The following PARVG variants were observed in gnomAD, a reference collection of about 807,000 sequenced individuals.
PARVG encodes parvin gamma, also known as gamma-parvin.
Under a neutral mutation model 44.4 loss-of-function variants are expected in PARVG, and 36 were observed. The observed-to-expected ratio is 0.81, with a 90% confidence interval of 0.62 to 1.07. The LOEUF (loss-of-function observed/expected upper bound fraction) is 1.07, where lower values mean the gene tolerates loss of function less well. Among genes scored for constraint, PARVG ranks in the 50% least tolerant of loss-of-function variants. The pLI, the probability that PARVG is intolerant of heterozygous loss-of-function variation, is 0.00. For synonymous variants in PARVG, 170 were observed against 174.1 expected (o/e 0.98, Z 0.19); for missense variants, 407 against 407.4 (o/e 1.00, Z 0.01).
Position 44,196,362 on chromosome 22 carries a change from G to C in PARVG, c.658G>C (p.Val220Leu). 1 of 1,614,232 alleles carries C rather than the reference G, an allele frequency of 6.2e-7. No homozygotes were observed. The highest frequency in any genetic ancestry group is 8.5e-7 in the Non-Finnish European group (1 of 1,180,042). ...NAVKEAIVNF[V>L]NQKLDRLGLS... is the part of the protein sequence containing the mutation. ...CCCTGGTTAGGCCATCGTGAACTTT[G>C]TCAACCAGAAGCTGGACCGCCTGGG... The change falls in exon 11 of 14, where the codon GTC becomes CTC. Residue 220 changes from valine (V) to leucine (L), a missense_variant. Val to Leu is a conservative substitution (Grantham distance 32, BLOSUM62 1). Coordinates refer to ENST00000444313, the MANE Select transcript of PARVG (RefSeq NM_022141.7).
rs1431636521 is a variant in PARVG, at chr22:44,208,113, ACTTG to A, written c.*1692_*1695del. 1 of 152,018 alleles carries A rather than the reference ACTTG, an allele frequency of 6.6e-6. No individual in the cohort carries two copies. The highest frequency in any genetic ancestry group is 1.5e-5 in the Non-Finnish European group (1 of 68,016). 9.4% of individuals were successfully genotyped at this position (152,018 alleles called of 1,614,324 possible). ...CACTTCCTGGGGCCTTTGAGTCCTC[ACTTG>A]CTTGGGCCCCATCCGCTGCAGGCTG... On this transcript the variant is annotated 3_prime_UTR_variant, in exon 14 of 14. Coordinates refer to ENST00000444313, the MANE Select transcript of PARVG (RefSeq NM_022141.7).
intron 7 of PARVG, among the ~76,000 whole-genome samples, chr22:44,191,599 G>A (rs898698780): frequency 5.9e-5 from 9 of 151,904 alleles, no homozygotes; most frequent in African/African-American, 1.7e-4. Context: ...GGGTTTCACC[G>A]TGTTGCCCAG....
chr22:44,177,634 A>G (rs550124274), upstream of PARVG, among the ~76,000 whole-genome samples: 2 of 152,282 alleles, frequency 1.3e-5, no homozygotes, highest in African/African-American at 4.8e-5. Context: ...GATCCAGGTT[A>G]TGCGTTTTCG....
intron 3 of PARVG, 99 bp from the exon 4 acceptor site, chr22:44,185,709 C>A: frequency 9.7e-7 from 1 of 1,035,094 alleles, no homozygotes; most frequent in African/African-American, 1.6e-5. Flanking sequence ...ACCGGTGCCC[C>A]TGGGTCTGCG....
In PARVG at chr22:44,206,875, C is replaced by T. The variant is rs566825942; in HGVS notation, c.*449C>T. ...TCCCCACACCCACCTGCTTCTCACT[C>T]GGGAGGATGGGCCCCAGAGTCACCC... is the stretch of plus-strand genomic sequence containing the variant. On this transcript the variant is annotated 3_prime_UTR_variant, in exon 14 of 14. Coordinates refer to ENST00000444313, the MANE Select transcript of PARVG (RefSeq NM_022141.7). 50 of 184,682 alleles carry T rather than the reference C, an allele frequency of 2.7e-4. No individual in the cohort carries two copies. Among genetic ancestry groups the T allele is most frequent in the Non-Finnish European group, 4.6e-4 (41 of 90,018 alleles). The allele number at this position is 184,682 out of a possible 1,614,324, so 11.4% of individuals were successfully genotyped here.
chr22:44,195,318 T>A (rs2054603742), intron 9 of PARVG, among the ~76,000 whole-genome samples: 1 of 152,160 alleles, frequency 6.6e-6, no homozygotes, highest in Admixed American at 6.5e-5. Flanking sequence ...TTGGTGCTAC[T>A]TTTCCCCCTT....
intron 9 of PARVG, 100 bp from the exon 10 acceptor site, chr22:44,196,055 G>A: frequency 7.8e-7 from 1 of 1,287,208 alleles, no homozygotes; most frequent in Non-Finnish European, 1.1e-6. Flanking sequence ...GCTCCCTCTG[G>A]ACTGGTTATT....
chr22:44,205,918 G>A (rs555339396), intron 13 of PARVG, 89 bp downstream of exon 13: 42 of 1,449,176 alleles, frequency 2.9e-5, no homozygotes, highest in Middle Eastern at 4.1e-4. Flanking sequence ...GGCATTGGGG[G>A]ATGAGCACGC....
chr22:44,191,205 T>A (rs2054543592), intron 7 of PARVG, among the ~76,000 whole-genome samples: 2 of 151,896 alleles, frequency 1.3e-5, no homozygotes, highest in South Asian at 4.2e-4. Flanking sequence ...ACGACTTCCC[T>A]CTCCAGACAG....
chr22:44,188,982 C>T (rs1425381623), intron 5 of PARVG, 132 bp from the exon 6 acceptor site: 1 of 1,249,202 alleles, frequency 8.0e-7, no homozygotes. Context: ...GCCCACGGTC[C>T]AACACCAAGA....
chr22:44,175,737 G>A (rs2054313027), intron 1 of PARVG, among the ~76,000 whole-genome samples: 1 of 152,208 alleles, frequency 6.6e-6, no homozygotes, highest in African/African-American at 2.4e-5. Flanking sequence ...TGGAGTGGCA[G>A]GTGGACAACA....
chr22:44,190,104 G>A (rs900675466), intron 6 of PARVG, among the ~76,000 whole-genome samples: 118 of 152,286 alleles, frequency 7.7e-4, no homozygotes, highest in African/African-American at 2.7e-3. Context: ...ATTTAACAGA[G>A]TCCGTTTTCA....
chr22:44,185,259 T>G (rs995802748), intron 3 of PARVG: 1 of 155,092 alleles, frequency 6.4e-6, no homozygotes. Flanking sequence ...TATCCCCCCA[T>G]GTACCTTGGA....
intron 2 of PARVG, 23 bp from the exon 3 acceptor site, chr22:44,183,295 C>T (rs893486989): frequency 1.3e-6 from 2 of 1,584,676 alleles, no homozygotes; most frequent in Non-Finnish European, 1.7e-6. Context: ...ACCGTGACGC[C>T]CTCTCCTGCC....
chr22:44,182,025 C>G lies in PARVG; in HGVS notation c.-13+108C>G, dbSNP rs1388661030. The G allele has an allele frequency of 2.2e-6, 2 of 901,504 alleles. No individual in the cohort carries two copies. The highest frequency in any genetic ancestry group is 1.2e-4 in the Admixed American group (2 of 16,176). 55.8% of individuals were successfully genotyped at this position (901,504 alleles called of 1,614,324 possible). A position where few individuals can be genotyped will look rare whatever the true frequency, so the allele number is the denominator to read the frequency against. ...CAGAGTGCAGTCCCAGCCCAGGCCA[C>G]CCGGGGAAGGGAGTCGGTAAAGTGG... On this transcript the variant is annotated intron_variant, in intron 2 of 13. Transcript: ENST00000444313. This position sits in a 1 kb window ranked among gnomAD's most constrained non-coding sequence, Gnocchi z 4.6.
rs540148152 is a variant in PARVG at position 44,175,864 on chromosome 22, A to G, written c.-189+2673A>G. 8.1e-4 allele frequency among the ~76,000 whole-genome samples: 123 copies of G among 152,312 alleles called. 2 individuals are homozygous for G. Among genetic ancestry groups the G allele is most frequent in the African/African-American group, 2.7e-3 (113 of 41,568 alleles). On this transcript the variant is annotated intron_variant, in intron 1 of 13. Coordinates refer to the PARVG transcript ENST00000422871. ...GTCTCTGACACCAGGGAAATGGGGC[A>G]AAGGCCACATATTCTTCCAGTCCCC...
chr22:44,196,427 G>T lies in PARVG; in HGVS notation c.711+12G>T. 6.2e-7 allele frequency: 1 copy of T among 1,614,028 alleles called. No individual in the cohort carries two copies. The highest frequency in any genetic ancestry group is 8.5e-7 in the Non-Finnish European group (1 of 1,180,000). ...ATCTGGACACCCAGGTAGGGACTGA[G>T]CTGCGGCGTCCCCAGGCAGGGCAGG... is the stretch of plus-strand genomic sequence containing the variant. On this transcript the variant is annotated intron_variant, in intron 11 of 13. Transcript: ENST00000444313.
At chr22:44,205,338 C>T (rs934137883) in intron 12 of PARVG, among the ~76,000 whole-genome samples, 18 of 152,232 alleles carry the variant, frequency 1.2e-4, no homozygotes, top group African/African-American at 4.3e-4. Flanking sequence ...CTCTGCCACC[C>T]CAGGCCCTTG....
chr22:44,202,511 G>A (rs550411442), intron 12 of PARVG, among the ~76,000 whole-genome samples: 1 of 152,248 alleles, frequency 6.6e-6, no homozygotes, highest in East Asian at 1.9e-4. Context: ...GTGTGCAGCC[G>A]CTTTGCTGAA....
Sources: allele counts gnomAD v4.1 joint callset (sites outside exome capture counted in the v4.1 genomes callset), GRCh38; gene constraint gnomAD v4.1.1; non-coding constraint Gnocchi (gnomAD v3.1); transcripts MANE v1.5; gene names NCBI Gene and HGNC (gene_info 2026-07-23, HGNC 2026-07-21).